The following NRG3 variants were observed in gnomAD, a reference collection of about 807,000 sequenced individuals.
The protein encoded by NRG3 is neuregulin 3.
Under a neutral mutation model 66.9 loss-of-function variants are expected in NRG3, and 31 were observed. The observed-to-expected ratio is 0.46, with a 90% CI of 0.35 to 0.63. The LOEUF is 0.63. Among genes scored for constraint, NRG3 ranks in the 20% least tolerant of loss-of-function variants. The probability of loss-of-function intolerance (pLI) is 0.00; values close to 1 mark genes in which losing one functional copy is unlikely to be tolerated. For synonymous variants in NRG3, 393 were observed against 359.4 expected (o/e 1.09, Z -1.06); for missense variants, 910 against 878.9 (o/e 1.04, Z -0.45).
chr10:81,921,461 A>G (rs1846246599), intron 1 of NRG3, among the ~76,000 whole-genome samples: 1 of 152,092 alleles, frequency 6.6e-6, no homozygotes, highest in African/African-American at 2.4e-5. Flanking sequence ...TTTTTCCCCA[A>G]GTCAAACCTC....
At chr10:82,623,181 A>G (rs972561092) in intron 2 of NRG3, among the ~76,000 whole-genome samples, 2 of 152,140 alleles carry the variant, frequency 1.3e-5, no homozygotes, top group Non-Finnish European at 2.9e-5. Flanking sequence ...GCAATTAAAG[A>G]AGGATATAAA....
chr10:82,574,206 T>TA (rs929539741), intron 2 of NRG3, among the ~76,000 whole-genome samples: 3 of 151,654 alleles, frequency 2.0e-5, no homozygotes, highest in South Asian at 2.1e-4. Flanking sequence ...TTCAGCCGTT[T>TA]AAAAAAAATG....
rs1844329084 is a variant in NRG3 at position 82,502,878 on chromosome 10, CT to C, written c.953+144012del. Among the ~76,000 whole-genome samples, 3 of 152,268 alleles carry C rather than the reference CT, an allele frequency of 2.0e-5. No homozygotes were observed. The South Asian group carries it at 6.2e-4, about 32-fold the overall frequency. ...TCCTCTGAATCAGACAATTCTAGGTCTTAGTATGTGAAATGCACATATTTTA... is the reference window on the plus strand; with the variant it reads ...TCCTCTGAATCAGACAATTCTAGGTCTAGTATGTGAAATGCACATATTTTA... On this transcript the variant is annotated intron_variant, in intron 2 of 8. Transcript: ENST00000372141.
intron 1 of NRG3, among the ~76,000 whole-genome samples, chr10:81,887,882 A>G (rs1204191909): frequency 6.6e-6 from 1 of 152,108 alleles, no homozygotes; most frequent in Admixed American, 6.6e-5. Context: ...TATTGATAAT[A>G]TTGTGCTGCT....
chr10:82,929,223 G>T (rs1200017614), intron 4 of NRG3, among the ~76,000 whole-genome samples: 1 of 152,146 alleles, frequency 6.6e-6, no homozygotes, highest in Non-Finnish European at 1.5e-5. Context: ...CATGCTAATG[G>T]TAGGGGTGGA....
chr10:82,246,971 C>T (rs1028620810), intron 1 of NRG3, among the ~76,000 whole-genome samples: 34 of 152,086 alleles, frequency 2.2e-4, no homozygotes, highest in African/African-American at 1.4e-4. Flanking sequence ...GAAAACCTGC[C>T]GTAAGCTATA....
intron 1 of NRG3, among the ~76,000 whole-genome samples, chr10:82,354,969 C>T (rs2083682199): frequency 6.6e-6 from 1 of 152,206 alleles, no homozygotes; most frequent in South Asian, 2.1e-4. Context: ...CAGGAACCTT[C>T]ATCCATATAA....
intron 7 of NRG3, among the ~76,000 whole-genome samples, chr10:82,974,166 G>GT (rs1341691363): frequency 6.7e-6 from 1 of 149,712 alleles, no homozygotes; most frequent in Admixed American, 6.6e-5. Flanking sequence ...TTACAGACCA[G>GT]TAAAAAAAAA....
chr10:82,252,915 T>C (rs768737995), intron 1 of NRG3, among the ~76,000 whole-genome samples: 2 of 152,162 alleles, frequency 1.3e-5, no homozygotes, highest in Non-Finnish European at 2.9e-5. Flanking sequence ...TCCTCAGTCA[T>C]TAAAGACTAG....
At chr10:82,276,825 T>C (rs2078873511) in intron 1 of NRG3, among the ~76,000 whole-genome samples, 1 of 152,024 alleles carries the variant, frequency 6.6e-6, no homozygotes, top group Admixed American at 6.6e-5. Flanking sequence ...CAAAATACTT[T>C]TTAATTGAAC....
chr10:82,375,265 C>T (rs1049275066), intron 2 of NRG3, among the ~76,000 whole-genome samples: 1 of 152,082 alleles, frequency 6.6e-6, no homozygotes, highest in African/African-American at 2.4e-5. Context: ...TAGCTGGGTG[C>T]GGTGGCTCAT....
At chr10:82,967,825 G>A (rs553302666) in intron 6 of NRG3, among the ~76,000 whole-genome samples, 2 of 152,300 alleles carry the variant, frequency 1.3e-5, no homozygotes, top group Admixed American at 1.3e-4. Flanking sequence ...TTTGCTGTGA[G>A]AACCTGGTGT....
chr10:82,707,181 C>CT (rs910467341), intron 2 of NRG3, among the ~76,000 whole-genome samples: 8 of 151,562 alleles, frequency 5.3e-5, no homozygotes, highest in Non-Finnish European at 1.0e-4. Flanking sequence ...CAACGAAGAG[C>CT]TTTTTGAAAA....
intron 2 of NRG3, among the ~76,000 whole-genome samples, chr10:82,542,837 A>C (rs972781099): frequency 1.3e-5 from 2 of 152,108 alleles, no homozygotes; most frequent in Non-Finnish European, 2.9e-5. Context: ...AGGTTGAAGG[A>C]GACTAGTATT....
intron 3 of NRG3, among the ~76,000 whole-genome samples, chr10:82,835,946 G>A (rs2062752846): frequency 2.0e-5 from 3 of 152,112 alleles, no homozygotes; most frequent in Admixed American, 2.0e-4. Flanking sequence ...CCAAGAGAAA[G>A]GACTGTTTAG....
At chr10:82,647,945 T>G (rs1340977828) in intron 2 of NRG3, among the ~76,000 whole-genome samples, 13 of 147,406 alleles carry the variant, frequency 8.8e-5, no homozygotes, top group African/African-American at 2.0e-4. Flanking sequence ...TTTCTCCCAT[T>G]TTGTAGGTTG....
intron 1 of NRG3, among the ~76,000 whole-genome samples, chr10:82,262,830 A>G (rs2078102334): frequency 6.6e-6 from 1 of 152,142 alleles, no homozygotes; most frequent in Non-Finnish European, 1.5e-5. Flanking sequence ...CCATTTTTGT[A>G]TATGTAAATA....
At chr10:82,792,695 T>G (rs2060634187) in intron 3 of NRG3, among the ~76,000 whole-genome samples, 1 of 152,092 alleles carries the variant, frequency 6.6e-6, no homozygotes, top group Non-Finnish European at 1.5e-5. Context: ...TTTATTTATT[T>G]TTTTGACGGA....
intron 2 of NRG3, among the ~76,000 whole-genome samples, chr10:82,520,084 A>G (rs1846051156): frequency 1.3e-5 from 2 of 151,364 alleles, no homozygotes; most frequent in African/African-American, 2.4e-5. Context: ...GGTAAGTGTT[A>G]GCTTCTTTCT....
Sources: allele counts gnomAD v4.1 joint callset (sites outside exome capture counted in the v4.1 genomes callset), GRCh38; gene constraint gnomAD v4.1.1; transcripts MANE v1.5; gene names NCBI Gene and HGNC (gene_info 2026-07-23, HGNC 2026-07-21).